Variants in OSGIN2 observed in about 807,000 individuals in gnomAD.
OSGIN2 encodes oxidative stress induced growth inhibitor family member 2, also known as oxidative stress-induced growth inhibitor 2.
OSGIN2 carries 19 observed loss-of-function variants against 53.8 expected under a neutral mutation model. The observed-to-expected ratio is 0.35, with a 90% CI of 0.25 to 0.52. OSGIN2 has a LOEUF of 0.52. OSGIN2 is among the 20% of genes least tolerant of loss of function. The pLI, the probability that OSGIN2 is intolerant of heterozygous loss-of-function variation, is 0.95. For synonymous variants in OSGIN2, 236 were observed against 236.0 expected (o/e 1.00, Z 0.00); for missense variants, 520 against 662.7 (o/e 0.78, Z 2.36).
intron 2 of OSGIN2, among the ~76,000 whole-genome samples, chr8:89,910,364 A>C (rs1808942301): frequency 6.6e-6 from 1 of 152,234 alleles, no homozygotes; most frequent in Non-Finnish European, 1.5e-5. Context: ...TTCATCTAAT[A>C]TACAAAGTCG....
At chr8:89,904,673 G>A (rs999691653) in intron 1 of OSGIN2, among the ~76,000 whole-genome samples, 2 of 151,964 alleles carry the variant, frequency 1.3e-5, no homozygotes, top group Non-Finnish European at 2.9e-5. Context: ...AAAATTAGCC[G>A]GGCAGGGTGG....
chr8:89,910,517 G>C (rs1469052860), intron 2 of OSGIN2, among the ~76,000 whole-genome samples: 1 of 152,142 alleles, frequency 6.6e-6, no homozygotes, highest in Non-Finnish European at 1.5e-5. Context: ...GAAAATTCAT[G>C]TCCTCTGGCT....
intron 1 of OSGIN2, among the ~76,000 whole-genome samples, chr8:89,905,461 A>G (rs1051042024): frequency 6.6e-5 from 10 of 152,168 alleles, no homozygotes; most frequent in Non-Finnish European, 1.5e-4. Context: ...TAGACCTGTG[A>G]TATACTGTGC....
In OSGIN2 at chr8:89,925,484, G is replaced by C. The variant is rs755795227; in HGVS notation, c.1602G>C (p.Lys534Asn). ...GVTRCLATRQ[K>N]KKHLFVERGG... Reference sequence around the variant, plus strand: ...CACGCTGTTTAGCTACAAGACAGAAGAAAAAGCATTTGTTTGTTGAAAGAG... The same window carrying C: ...CACGCTGTTTAGCTACAAGACAGAACAAAAAGCATTTGTTTGTTGAAAGAG... The change falls in exon 6 of 6, where the codon AAG (lysine) becomes AAC (asparagine). Residue 534 changes from lysine (K) to asparagine (N), a missense_variant. Around this residue, in one of 3 missense-constraint regions of OSGIN2, gnomAD observed 239 missense variants for 328.3 expected, o/e 0.73. Coordinates refer to ENST00000451899, the MANE Select transcript of OSGIN2 (RefSeq NM_001126111.3). 7 of 1,613,926 alleles carry C rather than the reference G, an allele frequency of 4.3e-6. No homozygotes were observed. The South Asian group carries it at 7.7e-5, about 18-fold the overall frequency.
chr8:89,914,962 A>G (rs1277091994), intron 4 of OSGIN2, among the ~76,000 whole-genome samples: 1 of 152,222 alleles, frequency 6.6e-6, no homozygotes, highest in Non-Finnish European at 1.5e-5. Context: ...TAGAATAAGC[A>G]TGTCTCTATA....
intron 2 of OSGIN2, 130 bp downstream of exon 2, chr8:89,909,851 C>A: frequency 1.9e-6 from 1 of 516,264 alleles, no homozygotes; most frequent in Non-Finnish European, 3.2e-6. Flanking sequence ...TGCTAAAAAA[C>A]TAATAACCAA....
chr8:89,914,141 A>G lies in OSGIN2; in HGVS notation c.264A>G (p.Ser88=). ...CAGGCTACAGACCGTATTTATCATC[A>G]GAAGCAATACACCCAAATACAATCT... ...MLSGYRPYLS[S]EAIHPNTILN... Residue 88 remains serine, a synonymous_variant, in exon 3 of 6, where the codon TCA becomes TCG. Transcript: ENST00000451899. 6.2e-7 allele frequency: 1 copy of G among 1,603,178 alleles called. No individual in the cohort carries two copies. Among genetic ancestry groups the G allele is most frequent in the African/African-American group, 1.3e-5 (1 of 74,776 alleles).
chr8:89,914,803 C>A, intron 4 of OSGIN2, 57 bp downstream of exon 4: 2 of 1,171,302 alleles, frequency 1.7e-6, no homozygotes, highest in Non-Finnish European at 2.5e-6. Flanking sequence ...TTGATAAGAC[C>A]AACTTTATTC....
chr8:89,925,543 C>T lies in OSGIN2; in HGVS notation c.*11C>T. The T allele has an allele frequency of 6.3e-7, 1 of 1,599,902 alleles. No individual in the cohort carries two copies. On this transcript the variant is annotated 3_prime_UTR_variant, in exon 6 of 6. Coordinates refer to ENST00000451899, the MANE Select transcript of OSGIN2 (RefSeq NM_001126111.3). ...GATGGGATAGCTTAAAGCAAGTTTA[C>T]AAGTAATTAAAATGGACAGTTTGCC...
chr8:89,905,703 C>T (rs969188836), intron 1 of OSGIN2, among the ~76,000 whole-genome samples: 4 of 152,282 alleles, frequency 2.6e-5, no homozygotes, highest in South Asian at 2.1e-4. Context: ...CCTGAAAAAT[C>T]AGAGCAGATT....
At chr8:89,904,528 A>AT (rs199636091) in intron 1 of OSGIN2, among the ~76,000 whole-genome samples, 3,307 of 148,540 alleles carry the variant, frequency 0.022, 101 homozygotes, top group African/African-American at 0.073. Context: ...TGTCTAAAGT[A>AT]TTTTTTTTTT....
In OSGIN2 at chr8:89,926,282, T is replaced by C. The variant is rs1419551312; in HGVS notation, c.*750T>C. On this transcript the variant is annotated 3_prime_UTR_variant, in exon 6 of 6. Coordinates refer to ENST00000451899, the MANE Select transcript of OSGIN2 (RefSeq NM_001126111.3). ...ATTTAAACAGTCCAATAATGTGGTA[T>C]ACACTTTGACATCCAAGAACTCACC... The C allele has an allele frequency of 6.6e-6, 1 of 152,644 alleles. No homozygotes were observed. The highest frequency in any genetic ancestry group is 1.5e-5 in the Non-Finnish European group (1 of 68,026). The allele number at this position is 152,644 out of a possible 1,614,324, so 9.5% of individuals were successfully genotyped here. A position where few individuals can be genotyped will look rare whatever the true frequency, so the allele number is the denominator to read the frequency against.
chr8:89,923,042 C>T (rs999387785), intron 5 of OSGIN2, among the ~76,000 whole-genome samples: 3 of 151,990 alleles, frequency 2.0e-5, no homozygotes, highest in African/African-American at 4.8e-5. Context: ...TGTATAAGGG[C>T]GCTTACCATG....
Position 89,924,490 on chromosome 8 carries a change from T to A in OSGIN2, c.621-13T>A. The A allele has an allele frequency of 6.4e-7, 1 of 1,561,888 alleles. No individual in the cohort carries two copies. The highest frequency in any genetic ancestry group is 8.6e-7 in the Non-Finnish European group (1 of 1,157,332). On this transcript the variant is annotated splice_polypyrimidine_tract_variant and intron_variant, in intron 5 of 5. Transcript: ENST00000451899. ...AGTATCCTTATAGGATATTTTTCCTTTTCCTTTTTTAGGAGCCTAAAAGGG... is the reference window on the plus strand; with the variant it reads ...AGTATCCTTATAGGATATTTTTCCTATTCCTTTTTTAGGAGCCTAAAAGGG...
chr8:89,906,932 TTTG>T (rs1318104880), intron 1 of OSGIN2, among the ~76,000 whole-genome samples: 12 of 152,152 alleles, frequency 7.9e-5, no homozygotes, highest in African/African-American at 2.9e-4. Context: ...CTTGTCAGCA[TTTG>T]TTATTTTTTG....
Position 89,925,210 on chromosome 8 carries a change from G to A in OSGIN2, c.1328G>A (p.Gly443Glu), listed in dbSNP as rs1262837913. 8.7e-6 allele frequency: 14 copies of A among 1,614,088 alleles called. No individual in the cohort carries two copies. In the Admixed American group the frequency reaches 1.7e-4, roughly 19 times the overall value. Residue 443 changes from glycine to glutamate, a missense_variant, in exon 6 of 6, where the codon GGA (glycine) becomes GAA (glutamate). Gly to Glu is a moderately conservative substitution (Grantham distance 98). Around this residue, in one of 3 missense-constraint regions of OSGIN2, gnomAD observed 239 missense variants for 328.3 expected, o/e 0.73. Coordinates refer to ENST00000451899, the MANE Select transcript of OSGIN2 (RefSeq NM_001126111.3). ...DMKCVLQSVS[G>E]LKKIFKLSAA... Reference sequence around the variant, plus strand: ...AAATGTGTTCTCCAAAGCGTTTCTGGATTGAAGAAAATATTTAAGCTGTCT... The same window carrying A: ...AAATGTGTTCTCCAAAGCGTTTCTGAATTGAAGAAAATATTTAAGCTGTCT...
At chr8:89,918,000 G>C (rs1346865807) in intron 4 of OSGIN2, among the ~76,000 whole-genome samples, 1 of 151,874 alleles carries the variant, frequency 6.6e-6, no homozygotes, top group Non-Finnish European at 1.5e-5. Flanking sequence ...TTTATCCTTT[G>C]GTTTATAGCT....
upstream of OSGIN2, chr8:89,902,109 C>A: frequency 1.3e-5 from 2 of 152,340 alleles, no homozygotes; most frequent in Non-Finnish European, 2.9e-5. Context: ...CCCGGCAGCG[C>A]GAGGAAATGC....
intron 3 of OSGIN2, 40 bp downstream of exon 3, chr8:89,914,253 G>A (rs1468300127): frequency 1.4e-6 from 2 of 1,446,544 alleles, no homozygotes; most frequent in South Asian, 1.2e-5. Context: ...ATTTTTTTAT[G>A]CTGAAACAAG....
Sources: allele counts gnomAD v4.1 joint callset (sites outside exome capture counted in the v4.1 genomes callset), GRCh38; gene constraint gnomAD v4.1.1; regional missense constraint gnomAD v4.1.1; transcripts MANE v1.5; gene names NCBI Gene and HGNC (gene_info 2026-07-23, HGNC 2026-07-21).